VPS13D: variants seen among roughly 807,000 people sequenced by gnomAD.
VPS13D encodes vacuolar protein sorting 13 homolog D.
In VPS13D, 187 loss-of-function variants were observed where a neutral mutation model predicts 461.9. That is an observed-to-expected ratio of 0.40 (90% confidence interval 0.36 to 0.46). VPS13D has a LOEUF of 0.46. VPS13D is among the 20% of genes least tolerant of loss of function. The pLI is 0.60. For synonymous variants in VPS13D, 1,951 were observed against 1,986.3 expected, an observed-to-expected ratio of 0.98 and a Z score of 0.47; for missense variants, 4,711 against 5,364.9, an observed-to-expected ratio of 0.88 and a Z score of 3.81.
intron 68 of VPS13D, among the ~76,000 whole-genome samples, chr1:12,504,776 T>C (rs1288496474): frequency 6.6e-6 from 1 of 152,144 alleles, no homozygotes; most frequent in African/African-American, 2.4e-5. Flanking sequence ...CTGGGGCATC[T>C]TGGAAAAGAG....
At position 12,348,811 on chromosome 1, in the gene VPS13D, G is replaced by T. The variant is rs1429268760; in HGVS notation, c.9070-12G>T. The T allele has an allele frequency of 1.2e-6, 2 of 1,611,766 alleles. No individual in the cohort carries two copies. The highest frequency in any genetic ancestry group is 1.3e-5 in the African/African-American group (1 of 74,850). On this transcript the variant is annotated splice_polypyrimidine_tract_variant and intron_variant, in intron 44 of 69. Transcript: ENST00000620676. ...GAAACATAACTATTTTGTCTTTATCGCTCTTTCACAGTTCTCTTCACTCCC... is the reference window on the plus strand; with the variant it reads ...GAAACATAACTATTTTGTCTTTATCTCTCTTTCACAGTTCTCTTCACTCCC...
intron 2 of VPS13D, among the ~76,000 whole-genome samples, chr1:12,237,137 A>ATG (rs1201250325): frequency 6.8e-6 from 1 of 147,984 alleles, no homozygotes; most frequent in African/African-American, 2.6e-5. Context: ...GTGTATATAT[A>ATG]TGTGTGTGTG....
chr1:12,260,459 T>C (rs1641072752), intron 10 of VPS13D, among the ~76,000 whole-genome samples: 2 of 152,248 alleles, frequency 1.3e-5, no homozygotes. Flanking sequence ...TTCTGGAGAA[T>C]TGTTGGTGAT....
intron 65 of VPS13D, among the ~76,000 whole-genome samples, chr1:12,435,765 C>T (rs1045777465): frequency 6.6e-6 from 1 of 151,674 alleles, no homozygotes; most frequent in African/African-American, 2.4e-5. Context: ...CAGGGATTAA[C>T]CATGTAAGGC....
chr1:12,238,447 G>A (rs922653236), intron 2 of VPS13D, among the ~76,000 whole-genome samples: 9 of 151,334 alleles, frequency 5.9e-5, no homozygotes, highest in Non-Finnish European at 1.0e-4. Flanking sequence ...CTAAAAAATA[G>A]TAATAATAAT....
Position 12,258,130 on chromosome 1 carries a change from TTG to T in VPS13D, c.1110+29_1110+30del, listed in dbSNP as rs769088637. The T allele has an allele frequency of 2.5e-5, 40 of 1,611,436 alleles. No individual in the cohort carries two copies. In the Middle Eastern group the frequency reaches 4.9e-4, roughly 20 times the overall value. ...TAAGTGGACTGTGGTCTTGTGTTTCTTGTCTTATTCAGAAGATAAGAATGTTC... is the reference window on the plus strand; with the variant it reads ...TAAGTGGACTGTGGTCTTGTGTTTCTTCTTATTCAGAAGATAAGAATGTTC... On this transcript the variant is annotated intron_variant, in intron 10 of 69. Coordinates refer to ENST00000620676, the MANE Select transcript of VPS13D (RefSeq NM_015378.4).
rs781098309 is a variant in VPS13D, at chr1:12,369,618, A to C, written c.10724A>C (p.Asn3575Thr). The C allele has an allele frequency of 3.7e-6, 6 of 1,614,098 alleles. No homozygotes were observed. In the African/African-American group the frequency reaches 8.0e-5, roughly 22 times the overall value. ...AAAGGGGCAGGGTCCTCTGAGATCA[A>C]CTGCAACATGAATGATTTCCAGGAT... Reference protein sequence around the residue: ...TVKGAGSSEINCNMNDFQDNR... With the variant: ...TVKGAGSSEITCNMNDFQDNR... Residue 3575 changes from asparagine to threonine, a missense_variant, in exon 54 of 70, where the codon AAC (asparagine) becomes ACC (threonine). Asn to Thr is a moderately conservative substitution (Grantham distance 65). This residue lies in a region of VPS13D where 4,411 missense variants were observed against 4,937.8 expected (regional missense o/e 0.89). Transcript: ENST00000620676.
chr1:12,473,744 G>A lies in VPS13D; in HGVS notation c.12662+13348G>A, dbSNP rs747575450. On this transcript the variant is annotated intron_variant, in intron 67 of 69. Coordinates refer to ENST00000620676, the MANE Select transcript of VPS13D (RefSeq NM_015378.4). This position sits in a 1 kb window ranked among gnomAD's most constrained non-coding sequence, Gnocchi z 4.2. Reference sequence around the variant, plus strand: ...CTTACTTAAATTCAACCCTGTCCCCGAATTCTTGCTGACCACCTGCTAGAG... The same window carrying A: ...CTTACTTAAATTCAACCCTGTCCCCAAATTCTTGCTGACCACCTGCTAGAG... Among the ~76,000 whole-genome samples, 1 of 152,128 alleles carries A rather than the reference G, an allele frequency of 6.6e-6. No individual in the cohort carries two copies. Among genetic ancestry groups the A allele is most frequent in the African/African-American group, 2.4e-5 (1 of 41,418 alleles).
intron 68 of VPS13D, 58 bp downstream of exon 68, chr1:12,497,689 A>T: frequency 6.4e-7 from 1 of 1,562,564 alleles, no homozygotes; most frequent in Non-Finnish European, 8.7e-7. Context: ...TCTTCTTTTG[A>T]TCCTGAGAAG....
chr1:12,382,465 A>C (rs1644296290), intron 57 of VPS13D, among the ~76,000 whole-genome samples: 1 of 152,162 alleles, frequency 6.6e-6, no homozygotes, highest in African/African-American at 2.4e-5. Context: ...TCTGTATTCC[A>C]TTCTAGAAGA....
At chr1:12,259,439 C>A (rs894974954) in intron 10 of VPS13D, among the ~76,000 whole-genome samples, 2 of 151,928 alleles carry the variant, frequency 1.3e-5, no homozygotes, top group East Asian at 3.9e-4. Context: ...CCTCAGCCTC[C>A]TGAGTAGCTG....
rs192154298 is a variant in VPS13D at position 12,487,217 on chromosome 1, G to A, written c.12663-10283G>A. On this transcript the variant is annotated intron_variant, in intron 67 of 69. Transcript: ENST00000620676. ...ACTTTTTGAAGCATCTGCTCCTGTT[G>A]CCCCTTTCTTTTCCTCCTCACCCTC... Among the ~76,000 whole-genome samples, 99 of 152,230 alleles carry A rather than the reference G, an allele frequency of 6.5e-4. 2 individuals carry two copies. Among genetic ancestry groups the A allele is most frequent in the Admixed American group, 4.8e-3 (73 of 15,290 alleles).
At chr1:12,472,359 G>A (rs1451206182) in intron 67 of VPS13D, among the ~76,000 whole-genome samples, 1 of 152,146 alleles carries the variant, frequency 6.6e-6, no homozygotes, top group Non-Finnish European at 1.5e-5. Context: ...GATGAGAGAG[G>A]GGACCTGAAG....
At chr1:12,427,518 CA>C (rs1276852027) in intron 65 of VPS13D, among the ~76,000 whole-genome samples, 1 of 151,526 alleles carries the variant, frequency 6.6e-6, no homozygotes, top group African/African-American at 2.4e-5. Context: ...CTGTACTGAA[CA>C]TGTACATGTT....
chr1:12,326,600 A>G (rs1351436791), intron 35 of VPS13D, among the ~76,000 whole-genome samples: 3 of 150,598 alleles, frequency 2.0e-5, no homozygotes, highest in Non-Finnish European at 2.9e-5. Context: ...CTCCCAAAGC[A>G]TTGGGCTTAT....
chr1:12,393,329 C>T (rs187172134), intron 60 of VPS13D, among the ~76,000 whole-genome samples: 1 of 152,348 alleles, frequency 6.6e-6, no homozygotes, highest in Non-Finnish European at 1.5e-5. Context: ...TTGATATACC[C>T]CTGCGGTTAG....
chr1:12,377,261 T>G (rs1369151913), intron 55 of VPS13D, among the ~76,000 whole-genome samples: 1 of 150,980 alleles, frequency 6.6e-6, no homozygotes, highest in Non-Finnish European at 1.5e-5. Context: ...GGTTTCACCA[T>G]GTTGGCCAGG....
chr1:12,236,267 G>T (rs944904962), intron 2 of VPS13D, among the ~76,000 whole-genome samples: 2 of 152,122 alleles, frequency 1.3e-5, no homozygotes, highest in Non-Finnish European at 2.9e-5. Context: ...CAATCTTGGG[G>T]GCATGGAATT....
chr1:12,480,587 G>A (rs904431356), intron 67 of VPS13D, among the ~76,000 whole-genome samples: 2 of 152,190 alleles, frequency 1.3e-5, no homozygotes, highest in Admixed American at 6.5e-5. Context: ...TTCAGCAAAC[G>A]TTGGTACTGG....
Sources: gnomAD v4.1 joint callset for allele counts (sites outside exome capture counted in the v4.1 genomes callset) on GRCh38, gnomAD v4.1.1 for gene constraint, gnomAD v4.1.1 regional missense constraint, Gnocchi (gnomAD v3.1) non-coding constraint, MANE v1.5 for transcripts, NCBI Gene and HGNC (gene_info 2026-07-23, HGNC 2026-07-21) for gene names.